The following PTCHD4 variants were observed in gnomAD, a reference collection of about 807,000 sequenced individuals.
PTCHD4 encodes patched domain containing 4, also known as patched domain-containing protein 4.
PTCHD4 carries 33 observed loss-of-function variants against 58.1 expected under a neutral mutation model. The observed-to-expected ratio is 0.57, with a 90% CI of 0.43 to 0.76. The LOEUF (loss-of-function observed/expected upper bound fraction) is 0.76. PTCHD4 is among the 30% of genes least tolerant of loss of function. PTCHD4 has a pLI of 0.00. For synonymous variants in PTCHD4, 478 were observed against 409.6 expected, an observed-to-expected ratio of 1.17 and a Z score of -2.02; for missense variants, 1,058 against 1,027.1, an observed-to-expected ratio of 1.03 and a Z score of -0.41.
intron 4 of PTCHD4, among the ~76,000 whole-genome samples, chr6:47,982,300 C>T (rs1439744792): frequency 6.6e-6 from 1 of 152,080 alleles, no homozygotes; most frequent in East Asian, 1.9e-4. Flanking sequence ...TCCCATCTCC[C>T]TTTGGATTTT....
At chr6:48,011,586 AT>A (rs1762677837) in intron 3 of PTCHD4, among the ~76,000 whole-genome samples, 5 of 151,912 alleles carry the variant, frequency 3.3e-5, no homozygotes, top group Admixed American at 6.6e-5. Flanking sequence ...ATTAGATCCC[AT>A]TTGTCAATTT....
At chr6:48,091,511 T>A (rs1349275941) in intron 1 of PTCHD4, among the ~76,000 whole-genome samples, 3 of 152,296 alleles carry the variant, frequency 2.0e-5, no homozygotes, top group East Asian at 1.9e-4. Flanking sequence ...GTCCTCAGAC[T>A]GGTAGCATCA....
chr6:47,994,898 A>G (rs1007784226), intron 4 of PTCHD4, among the ~76,000 whole-genome samples: 27 of 152,302 alleles, frequency 1.8e-4, no homozygotes, highest in East Asian at 7.7e-4. Context: ...GTTAAGAAGA[A>G]TTAGAATGGA....
In PTCHD4 at chr6:48,068,502, G is replaced by A; in HGVS notation, c.145C>T (p.Leu49=). ...PVFFLTVPAV[L]TITFGLSALN... ...GCGCTGAGGCCGAAGGTGATTGTCA[G>A]GACTGCGGGCACGGTGAGGAAAAAG... The change falls in exon 3 of 5, where the codon CTG becomes TTG. Residue 49 remains leucine, a synonymous_variant. Transcript: ENST00000339488. This position sits in a 1 kb window ranked among gnomAD's most constrained non-coding sequence, Gnocchi z 4.2. 1 of 1,613,248 alleles carries A rather than the reference G, an allele frequency of 6.2e-7. No individual in the cohort carries two copies.
chr6:47,951,743 A>C (rs977758761), intron 4 of PTCHD4, among the ~76,000 whole-genome samples: 3 of 152,154 alleles, frequency 2.0e-5, no homozygotes, highest in Non-Finnish European at 2.9e-5. Context: ...ACAGAAGAAT[A>C]GAAGAGTATT....
chr6:47,921,958 AAAGAAAAG>A (rs1354563314), intron 4 of PTCHD4, among the ~76,000 whole-genome samples: 12 of 113,762 alleles, frequency 1.1e-4, no homozygotes, highest in South Asian at 2.8e-4. Context: ...AAAAAAAAAA[AAAGAAAAG>A]AAAAGAAAAG....
At chr6:48,099,576 TAC>T (rs1368628793) in intron 1 of PTCHD4, among the ~76,000 whole-genome samples, 1 of 152,234 alleles carries the variant, frequency 6.6e-6, no homozygotes, top group South Asian at 2.1e-4. Context: ...GGAAAAAACT[TAC>T]CTTCAGCCAT....
At chr6:47,972,465 A>G (rs1189580983) in intron 4 of PTCHD4, among the ~76,000 whole-genome samples, 1 of 152,146 alleles carries the variant, frequency 6.6e-6, no homozygotes, top group African/African-American at 2.4e-5. Context: ...AATATTTTTT[A>G]AAACTGTACA....
At chr6:47,903,157 T>C (rs1186409406) in intron 4 of PTCHD4, among the ~76,000 whole-genome samples, 1 of 152,118 alleles carries the variant, frequency 6.6e-6, no homozygotes, top group African/African-American at 2.4e-5. Flanking sequence ...CAAAGATGAG[T>C]ACAATATGTA....
intron 4 of PTCHD4, among the ~76,000 whole-genome samples, chr6:47,999,927 A>C (rs1392748552): frequency 6.6e-6 from 1 of 152,232 alleles, no homozygotes; most frequent in Non-Finnish European, 1.5e-5. Flanking sequence ...TATGTGAAAG[A>C]GACAAGTGAT....
chr6:48,109,079 T>C (rs1765807971), intron 1 of PTCHD4, among the ~76,000 whole-genome samples: 4 of 152,098 alleles, frequency 2.6e-5, no homozygotes, highest in Admixed American at 2.6e-4. Flanking sequence ...GAAAATGAAG[T>C]AAAATACCTT....
At chr6:48,110,631 CCACACACACACACA>C (rs367594403) in intron 1 of PTCHD4, among the ~76,000 whole-genome samples, 5 of 139,322 alleles carry the variant, frequency 3.6e-5, no homozygotes, top group African/African-American at 1.3e-4. Flanking sequence ...GATGGTTTTA[CCACACACACACACA>C]CACACACACA....
At chr6:48,099,251 G>C (rs567662710) in intron 1 of PTCHD4, among the ~76,000 whole-genome samples, 3 of 152,156 alleles carry the variant, frequency 2.0e-5, no homozygotes, top group African/African-American at 7.2e-5. Context: ...AGGGATACCT[G>C]CTTCCAGGGC....
At chr6:48,052,625 A>G (rs1054204379) in intron 3 of PTCHD4, among the ~76,000 whole-genome samples, 9 of 152,056 alleles carry the variant, frequency 5.9e-5, no homozygotes, top group African/African-American at 2.2e-4. Context: ...GTAAATAGAA[A>G]AGGAGTTAAT....
intron 4 of PTCHD4, among the ~76,000 whole-genome samples, chr6:47,988,539 A>G (rs1015646562): frequency 1.3e-5 from 2 of 151,940 alleles, no homozygotes; most frequent in South Asian, 2.1e-4. Flanking sequence ...CTTCAATAGT[A>G]CTCCCATAAT....
intron 3 of PTCHD4, among the ~76,000 whole-genome samples, chr6:48,051,466 A>G (rs1414252397): frequency 6.6e-6 from 1 of 151,972 alleles, no homozygotes; most frequent in Non-Finnish European, 1.5e-5. Flanking sequence ...CAGTTCTTAC[A>G]CACTAGGGAA....
intron 1 of PTCHD4, among the ~76,000 whole-genome samples, chr6:48,099,034 T>C (rs112320136): frequency 1.3e-3 from 200 of 152,296 alleles, no homozygotes; most frequent in African/African-American, 4.3e-3. Context: ...TTAAATAACA[T>C]TTCAGCTATT....
chr6:47,963,736 G>C (rs775715684), intron 4 of PTCHD4, among the ~76,000 whole-genome samples: 1 of 152,118 alleles, frequency 6.6e-6, no homozygotes, highest in Non-Finnish European at 1.5e-5. Context: ...CCACTTTATT[G>C]CCAAAAAAAC....
chr6:47,904,957 GGAA>G (rs1313425728), intron 4 of PTCHD4, among the ~76,000 whole-genome samples: 3 of 151,094 alleles, frequency 2.0e-5, no homozygotes, highest in East Asian at 2.0e-4. Context: ...GAAAACATGG[GGAA>G]GAAGAATTTC....
Sources: allele counts gnomAD v4.1 joint callset (sites outside exome capture counted in the v4.1 genomes callset), GRCh38; gene constraint gnomAD v4.1.1; non-coding constraint Gnocchi (gnomAD v3.1); transcripts MANE v1.5; gene names NCBI Gene and HGNC (gene_info 2026-07-23, HGNC 2026-07-21).